PDE4B: variants seen among roughly 807,000 people sequenced by gnomAD.
PDE4B encodes the protein phosphodiesterase 4B, also known as 3',5'-cyclic-AMP phosphodiesterase 4B.
A neutral mutation model predicts 82.2 loss-of-function variants in PDE4B; 20 were observed. That is an observed-to-expected ratio of 0.24 (90% CI 0.17 to 0.35). PDE4B has a LOEUF of 0.35. Ranked by LOEUF, PDE4B falls within the 10% of genes least tolerant of loss-of-function variation. PDE4B has a pLI of 1.00. For synonymous variants in PDE4B, 320 were observed against 318.9 expected, an observed-to-expected ratio of 1.00 and a Z score of -0.04; for missense variants, 655 against 907.2, an observed-to-expected ratio of 0.72 and a Z score of 3.57.
intron 3 of PDE4B, among the ~76,000 whole-genome samples, chr1:66,097,751 C>T (rs906683071): frequency 6.6e-6 from 1 of 151,568 alleles, no homozygotes; most frequent in Non-Finnish European, 1.5e-5. Context: ...TCTATTATAT[C>T]TGTTATTTTT....
intron 3 of PDE4B, among the ~76,000 whole-genome samples, chr1:66,231,530 A>T (rs1398644147): frequency 2.0e-5 from 3 of 152,254 alleles, no homozygotes; most frequent in African/African-American, 7.2e-5. Context: ...CAAATAAATC[A>T]ACCCTTCAAA....
chr1:65,818,672 T>TCACA (rs529094917), intron 1 of PDE4B, among the ~76,000 whole-genome samples: 1,455 of 86,906 alleles, frequency 0.017, 26 homozygotes, highest in African/African-American at 0.05. Flanking sequence ...ACATATATAT[T>TCACA]CACACACACA....
At chr1:66,265,890 G>A (rs572589846) in intron 6 of PDE4B, 148 bp from the exon 7 acceptor site, 7 of 659,018 alleles carry the variant, frequency 1.1e-5, no homozygotes, top group African/African-American at 7.2e-5. Flanking sequence ...CCGGGTTACA[G>A]GAGCTTGCCT....
intron 3 of PDE4B, among the ~76,000 whole-genome samples, chr1:66,162,246 G>A (rs543461541): frequency 6.7e-5 from 10 of 148,996 alleles, no homozygotes; most frequent in African/African-American, 2.5e-4. Flanking sequence ...AAAAACTAAT[G>A]CAGAGGGACA....
At chr1:66,282,216 A>G (rs1300505757) in intron 7 of PDE4B, among the ~76,000 whole-genome samples, 2 of 152,162 alleles carry the variant, frequency 1.3e-5, no homozygotes, top group Admixed American at 6.5e-5. Flanking sequence ...AAGAAAATAC[A>G]TTTCAAGCTT....
intron 3 of PDE4B, among the ~76,000 whole-genome samples, chr1:65,942,253 C>CAT: frequency 6.6e-6 from 1 of 152,068 alleles, no homozygotes; most frequent in East Asian, 1.9e-4. Context: ...TTTTACACTC[C>CAT]ATATATAAGT....
chr1:65,939,148 G>T, intron 3 of PDE4B, among the ~76,000 whole-genome samples: 1 of 151,924 alleles, frequency 6.6e-6, no homozygotes, highest in African/African-American at 2.4e-5. Context: ...TTCTAATAAG[G>T]GTATAGAAGA....
chr1:66,146,656 A>G (rs1646279567), intron 3 of PDE4B, among the ~76,000 whole-genome samples: 1 of 152,194 alleles, frequency 6.6e-6, no homozygotes, highest in Admixed American at 6.5e-5. Flanking sequence ...ACTCTGAGCT[A>G]AGATATAGAT....
Position 66,358,762 on chromosome 1 carries a change from TAAG to T in PDE4B, c.842-2848_842-2846del, listed in dbSNP as rs563798783. Among the ~76,000 whole-genome samples the T allele has an allele frequency of 2.6e-3, 392 of 150,648 alleles. 1 individual carries two copies. The highest frequency in any genetic ancestry group is 4.9e-3 in the Non-Finnish European group (329 of 67,742). On this transcript the variant is annotated intron_variant, in intron 9 of 16. Transcript: ENST00000341517. ...GGCAACCACCTCAGTGAGCACAAAA[TAAG>T]AAGATCTTAGCAATTTACCTTAAAC... is the stretch of plus-strand genomic sequence containing the variant.
chr1:65,953,720 C>T (rs1649115339), intron 3 of PDE4B, among the ~76,000 whole-genome samples: 1 of 152,018 alleles, frequency 6.6e-6, no homozygotes, highest in Admixed American at 6.6e-5. Context: ...AAACCTCCTA[C>T]CTTCATAACA....
intron 3 of PDE4B, among the ~76,000 whole-genome samples, chr1:66,207,094 C>T (rs1047643687): frequency 1.9e-4 from 29 of 152,112 alleles, no homozygotes; most frequent in African/African-American, 6.3e-4. Context: ...ATAAGCCCAA[C>T]TTATATGGCA....
intron 3 of PDE4B, among the ~76,000 whole-genome samples, chr1:66,194,457 G>A (rs547825234): frequency 6.6e-6 from 1 of 152,146 alleles, no homozygotes; most frequent in East Asian, 1.9e-4. Context: ...AGCAAGAAAG[G>A]TTACAAGGGT....
intron 3 of PDE4B, among the ~76,000 whole-genome samples, chr1:66,200,405 G>T (rs977540143): frequency 2.6e-5 from 4 of 152,096 alleles, no homozygotes; most frequent in African/African-American, 9.7e-5. Context: ...AGCTTGATGG[G>T]GATGGCACTG....
rs143380095 is a variant in PDE4B at position 65,966,628 on chromosome 1, C to T, written c.281+47793C>T. 4.8e-3 allele frequency among the ~76,000 whole-genome samples: 725 copies of T among 151,790 alleles called. 5 individuals are homozygous for T. Among genetic ancestry groups the T allele is most frequent in the African/African-American group, 0.017 (695 of 41,314 alleles). ...AAAAAGAACAAAGCTGGAGGCATCACGCTACCTGACTTCAAACTATACTAC... is the reference window on the plus strand; with the variant it reads ...AAAAAGAACAAAGCTGGAGGCATCATGCTACCTGACTTCAAACTATACTAC... On this transcript the variant is annotated intron_variant, in intron 3 of 16. Transcript: ENST00000341517.
intron 3 of PDE4B, among the ~76,000 whole-genome samples, chr1:65,986,404 A>T (rs1650957379): frequency 6.6e-6 from 1 of 152,176 alleles, no homozygotes; most frequent in African/African-American, 2.4e-5. Context: ...TTTCCTTTGA[A>T]TTTAGCCTTA....
chr1:66,186,461 C>T (rs996119097), intron 3 of PDE4B, among the ~76,000 whole-genome samples: 2 of 152,038 alleles, frequency 1.3e-5, no homozygotes, highest in Non-Finnish European at 2.9e-5. Flanking sequence ...TTCTTCCTAC[C>T]CATGAGCATG....
chr1:66,186,231 A>C (rs1353972773), intron 3 of PDE4B, among the ~76,000 whole-genome samples: 2 of 152,128 alleles, frequency 1.3e-5, no homozygotes, highest in Non-Finnish European at 2.9e-5. Flanking sequence ...TGTTTTGGTT[A>C]CTGTAGCCTC....
At chr1:65,827,142 C>T (rs1012329708) in intron 1 of PDE4B, among the ~76,000 whole-genome samples, 8 of 152,068 alleles carry the variant, frequency 5.3e-5, no homozygotes, top group Admixed American at 3.9e-4. Flanking sequence ...CCCTTCCCTA[C>T]GCTAAACATT....
intron 10 of PDE4B, among the ~76,000 whole-genome samples, chr1:66,362,074 TC>T (rs907251509): frequency 1.3e-5 from 2 of 152,102 alleles, no homozygotes; most frequent in African/African-American, 4.8e-5. Context: ...TGATGGAAGA[TC>T]CTTTTTCCAT....
Sources: gnomAD v4.1 joint callset for allele counts (sites outside exome capture counted in the v4.1 genomes callset) on GRCh38, gnomAD v4.1.1 for gene constraint, MANE v1.5 for transcripts, NCBI Gene and HGNC (gene_info 2026-07-23, HGNC 2026-07-21) for gene names.